The following CNTNAP2 variants were observed in gnomAD, a reference collection of about 807,000 sequenced individuals.
CNTNAP2 encodes the protein contactin-associated protein-like 2.
In CNTNAP2, 98 loss-of-function variants were observed where a neutral mutation model predicts 155.2. The ratio of observed to expected loss-of-function variants is 0.63; its 90% CI spans 0.54 to 0.75. The LOEUF is 0.75. Among genes scored for constraint, CNTNAP2 ranks in the 30% least tolerant of loss-of-function variants. CNTNAP2 has a pLI of 0.00. For synonymous variants in CNTNAP2, 651 were observed against 631.2 expected, an observed-to-expected ratio of 1.03 and a Z score of -0.47; for missense variants, 1,727 against 1,688.1, an observed-to-expected ratio of 1.02 and a Z score of -0.40.
intron 13 of CNTNAP2, among the ~76,000 whole-genome samples, chr7:147,695,798 T>C (rs768505907): frequency 3.9e-5 from 6 of 151,974 alleles, no homozygotes; most frequent in Non-Finnish European, 8.8e-5. Context: ...TGAGACTCCA[T>C]CTCAAAAAAA....
chr7:147,412,755 G>T (rs1363548214), intron 10 of CNTNAP2, among the ~76,000 whole-genome samples: 3 of 152,184 alleles, frequency 2.0e-5, no homozygotes, highest in Non-Finnish European at 4.4e-5. Context: ...AATTAAAACT[G>T]GTCCTTCCAG....
chr7:146,781,820 C>A (rs1398318647), intron 2 of CNTNAP2, among the ~76,000 whole-genome samples: 3 of 152,088 alleles, frequency 2.0e-5, no homozygotes, highest in African/African-American at 7.2e-5. Context: ...GGATCTGTCA[C>A]AACTAATTAA....
intron 1 of CNTNAP2, among the ~76,000 whole-genome samples, chr7:146,329,626 G>A (rs1801148832): frequency 6.6e-6 from 1 of 152,032 alleles, no homozygotes; most frequent in African/African-American, 2.4e-5. Context: ...CCTCAGCTTC[G>A]ATTTTTATTA....
At chr7:146,762,328 T>A (rs187329409) in intron 1 of CNTNAP2, among the ~76,000 whole-genome samples, 5 of 152,126 alleles carry the variant, frequency 3.3e-5, no homozygotes, top group Admixed American at 2.6e-4. Context: ...TGGCCAGGTG[T>A]GGTGGCTCAC....
At chr7:147,346,187 G>T (rs1352259500) in intron 9 of CNTNAP2, among the ~76,000 whole-genome samples, 1 of 140,284 alleles carries the variant, frequency 7.1e-6, no homozygotes, top group South Asian at 2.2e-4. Flanking sequence ...TCGCTCTGTC[G>T]TCCAGGCCGG....
At chr7:147,639,348 C>G in intron 13 of CNTNAP2, 42 bp downstream of exon 13, 1 of 1,583,230 alleles carries the variant, frequency 6.3e-7, no homozygotes, top group Non-Finnish European at 8.6e-7. Context: ...ACTATCTCAG[C>G]TGGTGCTTAG....
chr7:146,404,033 G>A (rs1274622092), intron 1 of CNTNAP2, among the ~76,000 whole-genome samples: 1 of 148,494 alleles, frequency 6.7e-6, no homozygotes, highest in East Asian at 2.0e-4. Context: ...GCTGAGGCAG[G>A]AGAATGGCGT....
At chr7:147,351,189 T>C (rs529163354) in intron 9 of CNTNAP2, among the ~76,000 whole-genome samples, 1 of 151,994 alleles carries the variant, frequency 6.6e-6, no homozygotes, top group Non-Finnish European at 1.5e-5. Flanking sequence ...GTTTCTACAA[T>C]ATATTAAGCC....
At chr7:146,951,535 C>T (rs1797313356) in intron 3 of CNTNAP2, among the ~76,000 whole-genome samples, 1 of 152,054 alleles carries the variant, frequency 6.6e-6, no homozygotes, top group Non-Finnish European at 1.5e-5. Flanking sequence ...TTCCCAACAC[C>T]ATTTATTAAA....
At chr7:147,959,064 T>G (rs1801072404) in intron 14 of CNTNAP2, among the ~76,000 whole-genome samples, 1 of 152,176 alleles carries the variant, frequency 6.6e-6, no homozygotes, top group African/African-American at 2.4e-5. Flanking sequence ...TTTTAAAAAC[T>G]TATCATTCCT....
intron 3 of CNTNAP2, among the ~76,000 whole-genome samples, chr7:146,868,234 A>G (rs961587245): frequency 1.3e-5 from 2 of 152,120 alleles, no homozygotes; most frequent in Non-Finnish European, 2.9e-5. Flanking sequence ...AATCTTTTCC[A>G]TATGGCTAGC....
chr7:147,534,064 A>T (rs2116730938), intron 11 of CNTNAP2, among the ~76,000 whole-genome samples: 1 of 152,304 alleles, frequency 6.6e-6, no homozygotes, highest in East Asian at 1.9e-4. Flanking sequence ...ATTCTCTATC[A>T]ACATGGAGGC....
chr7:147,756,473 T>G (rs1456408007), intron 13 of CNTNAP2, among the ~76,000 whole-genome samples: 2 of 152,226 alleles, frequency 1.3e-5, no homozygotes, highest in Non-Finnish European at 2.9e-5. Context: ...CACTTGTCAC[T>G]GTGCAGCTGG....
At chr7:147,171,485 A>G (rs1045239280) in intron 8 of CNTNAP2, among the ~76,000 whole-genome samples, 1 of 152,196 alleles carries the variant, frequency 6.6e-6, no homozygotes, top group African/African-American at 2.4e-5. Context: ...TCAGCTACAC[A>G]AAAGACCAAA....
At chr7:148,095,257 G>A (rs187104312) in intron 15 of CNTNAP2, among the ~76,000 whole-genome samples, 10 of 152,300 alleles carry the variant, frequency 6.6e-5, no homozygotes, top group Admixed American at 5.2e-4. Context: ...AGCCTGCGCT[G>A]TTCAGTATCT....
At chr7:148,186,518 G>A (rs1409184002) in intron 18 of CNTNAP2, among the ~76,000 whole-genome samples, 5 of 152,108 alleles carry the variant, frequency 3.3e-5, no homozygotes, top group African/African-American at 7.2e-5. Context: ...TGGAGAGCCC[G>A]GGACCACATG....
chr7:147,602,608 T>C (rs1463478484), intron 12 of CNTNAP2, among the ~76,000 whole-genome samples: 1 of 151,594 alleles, frequency 6.6e-6, no homozygotes, highest in Non-Finnish European at 1.5e-5. Context: ...CATTTAACAT[T>C]AGGTATATCT....
chr7:146,312,844 A>G lies in CNTNAP2; in HGVS notation c.97+195871A>G, dbSNP rs140393993. Among the ~76,000 whole-genome samples, 192 of 152,298 alleles carry G rather than the reference A, an allele frequency of 1.3e-3. 2 individuals carry two copies. Among genetic ancestry groups the G allele is most frequent in the African/African-American group, 4.5e-3 (186 of 41,584 alleles). The stretch of plus-strand genomic sequence containing the variant: ...CTGTGTTTAGCTTATTTCATTTAGC[A>G]TATTGTTCTACAGTTTCATCCATGT... On this transcript the variant is annotated intron_variant, in intron 1 of 23. Transcript: ENST00000361727.
At chr7:147,041,559 T>A (rs1176585546) in intron 3 of CNTNAP2, among the ~76,000 whole-genome samples, 1 of 151,184 alleles carries the variant, frequency 6.6e-6, no homozygotes, top group Non-Finnish European at 1.5e-5. Context: ...GCAGCTGAGC[T>A]CTAACTCTGT....
Sources: allele counts gnomAD v4.1 joint callset (sites outside exome capture counted in the v4.1 genomes callset), GRCh38; gene constraint gnomAD v4.1.1; transcripts MANE v1.5; gene names NCBI Gene and HGNC (gene_info 2026-07-23, HGNC 2026-07-21).